The following CLCN3 variants were observed in gnomAD, a reference collection of about 807,000 sequenced individuals.
The protein encoded by CLCN3 is Cl-/H+ antiporter 3.
CLCN3 carries 16 observed loss-of-function variants against 83.4 expected under a neutral mutation model. The ratio of observed to expected loss-of-function variants is 0.19; its 90% CI spans 0.13 to 0.29. The LOEUF (loss-of-function observed/expected upper bound fraction) is 0.29, where lower values mean the gene tolerates loss of function less well. CLCN3 is among the 10% of genes least tolerant of loss of function. CLCN3 has a pLI of 1.00. For missense variants in CLCN3, 544 were observed against 1,006.0 expected (o/e 0.54, Z 6.21); for synonymous variants, 322 against 346.2 (o/e 0.93, Z 0.78).
chr4:169,637,610 A>AC, intron 2 of CLCN3, among the ~76,000 whole-genome samples: 1 of 151,336 alleles, frequency 6.6e-6, no homozygotes, highest in Non-Finnish European at 1.5e-5. Flanking sequence ...AACAACAACA[A>AC]AAACTTTTTC....
At position 169,713,197 on chromosome 4, in the gene CLCN3, C is replaced by T; in HGVS notation, c.2268C>T (p.Asp756=). 2 of 1,614,128 alleles carry T rather than the reference C, an allele frequency of 1.2e-6. No homozygotes were observed. Among genetic ancestry groups the T allele is most frequent in the East Asian group, 2.2e-5 (1 of 44,874 alleles). ...PRPLKLRSIL[D]MSPFTVTDHT... ...CATTGAAGCTTCGAAGCATTCTTGA[C>T]ATGAGCCCTTTTACAGTGACAGACC... is the stretch of plus-strand genomic sequence containing the variant. Residue 756 remains aspartate (D), a synonymous_variant, in exon 12 of 13, where the codon GAC becomes GAT. Coordinates refer to ENST00000513761, the MANE Select transcript of CLCN3 (RefSeq NM_001829.4).
At chr4:169,689,019 A>G (rs775759265) in intron 4 of CLCN3, 24 bp from the exon 5 acceptor site, 10 of 1,594,578 alleles carry the variant, frequency 6.3e-6, no homozygotes, top group Non-Finnish European at 6.8e-6. Flanking sequence ...TAATTTTTTT[A>G]CCATCTCCAA....
intron 9 of CLCN3, among the ~76,000 whole-genome samples, chr4:169,701,923 G>A (rs147723215): frequency 1.2e-4 from 18 of 152,188 alleles, no homozygotes; most frequent in African/African-American, 4.3e-4. Flanking sequence ...AGGGGAGTGT[G>A]CACAGTGTAT....
At chr4:169,659,613 G>A (rs1023007361) in intron 2 of CLCN3, among the ~76,000 whole-genome samples, 7 of 152,114 alleles carry the variant, frequency 4.6e-5, no homozygotes, top group Non-Finnish European at 1.0e-4. Flanking sequence ...CTTCAAGAAA[G>A]GAAACAAGAA....
intron 2 of CLCN3, among the ~76,000 whole-genome samples, chr4:169,637,167 CTT>C (rs1333371231): frequency 2.0e-5 from 3 of 152,224 alleles, no homozygotes; most frequent in Admixed American, 6.5e-5. Context: ...TAGATTGCCT[CTT>C]TTAAAGCACC....
intron 2 of CLCN3, among the ~76,000 whole-genome samples, chr4:169,674,825 A>T (rs1252864155): frequency 1.3e-5 from 2 of 151,856 alleles, no homozygotes; most frequent in East Asian, 3.9e-4. Flanking sequence ...ATCACAGCCC[A>T]CTTCAGCCTC....
chr4:169,704,261 C>T, intron 10 of CLCN3, 77 bp downstream of exon 10: 1 of 1,380,682 alleles, frequency 7.2e-7, no homozygotes. Flanking sequence ...CACATTCTTG[C>T]TTAATTGGTG....
intron 1 of CLCN3, among the ~76,000 whole-genome samples, chr4:169,624,727 T>C (rs1773189631): frequency 6.6e-6 from 1 of 152,260 alleles, no homozygotes; most frequent in Non-Finnish European, 1.5e-5. Context: ...TAATTTCTGG[T>C]ACATTGTTAG....
intron 1 of CLCN3, 34 bp from the exon 2 acceptor site, chr4:169,635,878 TG>T (rs747452518): frequency 2.7e-6 from 4 of 1,476,606 alleles, no homozygotes; most frequent in Non-Finnish European, 3.6e-6. Flanking sequence ...ATTGTATGTT[TG>T]AAAAATGTTA....
chr4:169,642,494 T>A (rs1730445870), intron 2 of CLCN3, among the ~76,000 whole-genome samples: 1 of 152,160 alleles, frequency 6.6e-6, no homozygotes, highest in African/African-American at 2.4e-5. Flanking sequence ...GCTTTGTTTT[T>A]TGTTTTTTGT....
intron 2 of CLCN3, among the ~76,000 whole-genome samples, chr4:169,667,465 T>A (rs538504820): frequency 6.6e-6 from 1 of 152,118 alleles, no homozygotes; most frequent in Non-Finnish European, 1.5e-5. Context: ...GTTCCCTGTC[T>A]CTGGAAAAAC....
At chr4:169,703,669 T>TA (rs1052926017) in intron 9 of CLCN3, among the ~76,000 whole-genome samples, 1 of 151,830 alleles carries the variant, frequency 6.6e-6, no homozygotes, top group African/African-American at 2.4e-5. Flanking sequence ...TTGTCCTTTT[T>TA]TTTTTCTTTT....
At chr4:169,708,583 C>T (rs147735184) in intron 11 of CLCN3, among the ~76,000 whole-genome samples, 3,636 of 152,096 alleles carry the variant, frequency 0.024, 78 homozygotes, top group Non-Finnish European at 0.03. Flanking sequence ...TTACTAGTAG[C>T]CAGCCAAAGA....
At chr4:169,644,658 A>G (rs1295785566) in intron 2 of CLCN3, among the ~76,000 whole-genome samples, 1 of 152,200 alleles carries the variant, frequency 6.6e-6, no homozygotes, top group African/African-American at 2.4e-5. Flanking sequence ...AATGAACAAG[A>G]CAAAGAATGT....
chr4:169,639,864 G>C (rs2150205327), intron 2 of CLCN3, among the ~76,000 whole-genome samples: 1 of 152,246 alleles, frequency 6.6e-6, no homozygotes, highest in East Asian at 1.9e-4. Context: ...TTTTGAATAT[G>C]TGTTGAATGA....
chr4:169,691,601 TAA>T (rs1213900400), intron 6 of CLCN3, among the ~76,000 whole-genome samples: 8 of 152,202 alleles, frequency 5.3e-5, no homozygotes, highest in Admixed American at 2.0e-4. Context: ...TATTGATCTT[TAA>T]GTTTGTATTA....
At chr4:169,671,242 A>G (rs926437316) in intron 2 of CLCN3, among the ~76,000 whole-genome samples, 1 of 152,252 alleles carries the variant, frequency 6.6e-6, no homozygotes, top group Non-Finnish European at 1.5e-5. Context: ...TGTGGCACAT[A>G]TATACCATGG....
At position 169,670,477 on chromosome 4, in the gene CLCN3, A is replaced by T. The variant is rs557007821; in HGVS notation, c.161-9573A>T. Among the ~76,000 whole-genome samples the T allele has an allele frequency of 2.6e-5, 4 of 152,186 alleles. No homozygotes were observed. The South Asian group carries it at 8.3e-4, about 32-fold the overall frequency. On this transcript the variant is annotated intron_variant, in intron 2 of 12. Coordinates refer to ENST00000513761, the MANE Select transcript of CLCN3 (RefSeq NM_001829.4). Reference sequence around the variant, plus strand: ...TTTGTTCTGTTCCGTTGGTCTGTATATGTGTTTTGGTACCAGTACTATGCT... The same window carrying T: ...TTTGTTCTGTTCCGTTGGTCTGTATTTGTGTTTTGGTACCAGTACTATGCT...
intron 2 of CLCN3, among the ~76,000 whole-genome samples, chr4:169,653,522 T>C (rs1347139425): frequency 1.3e-5 from 2 of 148,808 alleles, no homozygotes; most frequent in African/African-American, 5.0e-5. Flanking sequence ...GCGCCTGTAA[T>C]CCCACCTACT....
Sources: gnomAD v4.1 joint callset for allele counts (sites outside exome capture counted in the v4.1 genomes callset) on GRCh38, gnomAD v4.1.1 for gene constraint, MANE v1.5 for transcripts, NCBI Gene and HGNC (gene_info 2026-07-23, HGNC 2026-07-21) for gene names.